The following MSR1 variants were observed in gnomAD, a reference collection of about 807,000 sequenced individuals.
MSR1 encodes macrophage scavenger receptor types I and II.
MSR1 carries 53 observed loss-of-function variants against 47.2 expected under a neutral mutation model. The observed-to-expected ratio is 1.12, with a 90% confidence interval of 0.90 to 1.41. The LOEUF (loss-of-function observed/expected upper bound fraction) is 1.41, where lower values mean the gene tolerates loss of function less well. Among genes scored for constraint, MSR1 ranks in the 40% most tolerant of loss-of-function variants. MSR1 has a pLI of 0.00. For missense variants in MSR1, 786 were observed against 546.9 expected (o/e 1.44, Z -4.36); for synonymous variants, 239 against 185.6 (o/e 1.29, Z -2.34).
Position 16,173,092 on chromosome 8 carries a change from G to A in MSR1, c.217+2095C>T, listed in dbSNP as rs149946858. Among the ~76,000 whole-genome samples the A allele has an allele frequency of 1.3e-4, 20 of 152,272 alleles. No individual in the cohort carries two copies. In the East Asian group the frequency reaches 3.1e-3, roughly 23 times the overall value. ...AAATTCTGGTGAATCTGATACTGATGTGTACTTATAAAATTTGAACATTCT... is the reference window on the plus strand; with the variant it reads ...AAATTCTGGTGAATCTGATACTGATATGTACTTATAAAATTTGAACATTCT... On this transcript the variant is annotated intron_variant, in intron 3 of 9. Coordinates refer to ENST00000262101, the MANE Select transcript of MSR1 (RefSeq NM_138715.3).
At chr8:16,181,899 C>T (rs942690891) in intron 1 of MSR1, among the ~76,000 whole-genome samples, 1 of 151,962 alleles carries the variant, frequency 6.6e-6, no homozygotes, top group Non-Finnish European at 1.5e-5. Flanking sequence ...AAGATGGATT[C>T]GCAAAAATTG....
In MSR1 at chr8:16,150,278, A is replaced by G. The variant is rs376737402; in HGVS notation, c.932T>C (p.Ile311Thr). ...PPGLKGDRGAIGFPGSRGLPG... is the reference protein window; with the variant it reads ...PPGLKGDRGATGFPGSRGLPG... Reference sequence around the variant, plus strand: ...GAGTCCTCGACTTCCAGGAAAGCCAATTGCTCCCCGATCACCTTTAAGACC... The same window carrying G: ...GAGTCCTCGACTTCCAGGAAAGCCAGTTGCTCCCCGATCACCTTTAAGACC... The change falls in exon 7 of 10, where the codon ATT becomes ACT. Residue 311 changes from isoleucine to threonine, a missense_variant. Transcript: ENST00000262101. The G allele has an allele frequency of 2.5e-6, 4 of 1,570,586 alleles. No homozygotes were observed. The highest frequency in any genetic ancestry group is 1.4e-5 in the African/African-American group (1 of 73,498).
chr8:16,175,110 G>T, intron 3 of MSR1, 77 bp downstream of exon 3: 1 of 1,152,656 alleles, frequency 8.7e-7, no homozygotes, highest in South Asian at 1.2e-5. Flanking sequence ...ACAAAAGACT[G>T]AATGCTTCTT....
At chr8:16,170,322 T>A (rs915896569) in intron 3 of MSR1, among the ~76,000 whole-genome samples, 8 of 149,306 alleles carry the variant, frequency 5.4e-5, no homozygotes, top group African/African-American at 2.0e-4. Context: ...CACTCCAGCC[T>A]GGGCAACAGA....
At chr8:16,116,908 C>T (rs568520019) in intron 9 of MSR1, among the ~76,000 whole-genome samples, 3 of 152,028 alleles carry the variant, frequency 2.0e-5, no homozygotes, top group East Asian at 1.9e-4. Flanking sequence ...ATACTACAGG[C>T]TGTATGTTGC....
rs765895080 is a variant in MSR1 at position 16,110,098 on chromosome 8, G to C, written c.1343C>G (p.Thr448Ser). 2 of 1,613,604 alleles carry C rather than the reference G, an allele frequency of 1.2e-6. No homozygotes were observed. Among genetic ancestry groups the C allele is most frequent in the Non-Finnish European group, 1.7e-6 (2 of 1,179,680 alleles). ...AAATATGATGCATTATAAAGTGCAA[G>C]TGACTCCAGCATCTTCAGAATGTGA... ...ACSHSEDAGV[T>S]CTL Residue 448 changes from threonine (T) to serine (S), a missense_variant, in exon 10 of 10, where the codon ACT (threonine) becomes AGT (serine). Coordinates refer to ENST00000262101, the MANE Select transcript of MSR1 (RefSeq NM_138715.3).
rs1799718493 is a variant in MSR1, at chr8:16,109,956, G to A, written c.*129C>T. The A allele has an allele frequency of 5.5e-6, 6 of 1,095,864 alleles. No homozygotes were observed. In the Admixed American group the frequency reaches 7.8e-5, roughly 14 times the overall value. The allele number at this position is 1,095,864 out of a possible 1,614,324, so 67.9% of individuals were successfully genotyped here. A position where few individuals can be genotyped will look rare whatever the true frequency, so the allele number is the denominator to read the frequency against. On this transcript the variant is annotated 3_prime_UTR_variant, in exon 10 of 10. Transcript: ENST00000262101. Reference sequence around the variant, plus strand: ...TGAAGGTGTTCAATATATTAATCCTGTAATCTAAAATATTATTTGGGCAAT... The same window carrying A: ...TGAAGGTGTTCAATATATTAATCCTATAATCTAAAATATTATTTGGGCAAT...
At chr8:16,153,471 A>G (rs1344001569) in intron 6 of MSR1, among the ~76,000 whole-genome samples, 1 of 151,984 alleles carries the variant, frequency 6.6e-6, no homozygotes, top group Non-Finnish European at 1.5e-5. Context: ...GGTAATGCCT[A>G]TTTGTGTAAA....
chr8:16,182,985 T>C (rs149701330), intron 1 of MSR1, among the ~76,000 whole-genome samples: 3 of 152,262 alleles, frequency 2.0e-5, no homozygotes, highest in African/African-American at 7.2e-5. Context: ...ACCACAAATA[T>C]GTGAGTAATG....
chr8:16,143,174 T>C (rs1388666446), intron 8 of MSR1, among the ~76,000 whole-genome samples: 1 of 152,148 alleles, frequency 6.6e-6, no homozygotes, highest in Non-Finnish European at 1.5e-5. Flanking sequence ...TTCAGGGTTC[T>C]TAAACTGTCC....
chr8:16,191,280 A>G (rs1378538679), intron 1 of MSR1, among the ~76,000 whole-genome samples: 1 of 152,184 alleles, frequency 6.6e-6, no homozygotes, highest in Non-Finnish European at 1.5e-5. Context: ...GGTAGCAAAG[A>G]AGAAAGAGCA....
At position 16,166,397 on chromosome 8, in the gene MSR1, G is replaced by A. The variant is rs527946558; in HGVS notation, c.630+2061C>T. ...AGACTGGTCTCGAACTCCTGACCTC[G>A]TGGTCCACCCACCTCGGCCTCCCAA... On this transcript the variant is annotated intron_variant, in intron 4 of 9. Transcript: ENST00000262101. 3.3e-5 allele frequency among the ~76,000 whole-genome samples: 5 copies of A among 150,312 alleles called. 1 individual carries two copies. The highest frequency in any genetic ancestry group is 6.5e-3 in the Middle Eastern group (2 of 306).
intron 8 of MSR1, chr8:16,139,941 C>T (rs1021128889): frequency 1.5e-5 from 6 of 393,928 alleles, no homozygotes; most frequent in African/African-American, 1.4e-4. Context: ...CCCTGTTCCT[C>T]CCCCAGTATA....
intron 5 of MSR1, among the ~76,000 whole-genome samples, chr8:16,156,870 C>T (rs979073187): frequency 1.7e-4 from 26 of 151,800 alleles, no homozygotes; most frequent in Admixed American, 8.6e-4. Context: ...TCTATGTGCC[C>T]CCTATTCCCT....
chr8:16,188,995 TA>T (rs1374873637), intron 1 of MSR1, among the ~76,000 whole-genome samples: 71 of 141,518 alleles, frequency 5.0e-4, no homozygotes, highest in Non-Finnish European at 3.2e-4. Context: ...TATATATATA[TA>T]TAAAACAACA....
At chr8:16,141,059 A>G in intron 8 of MSR1, 2 of 1,612,332 alleles carry the variant, frequency 1.2e-6, no homozygotes, top group Non-Finnish European at 1.7e-6. Context: ...ACACATATAT[A>G]AAGGAGGAAA....
intron 1 of MSR1, among the ~76,000 whole-genome samples, chr8:16,185,603 T>C (rs78236192): frequency 2.0e-5 from 3 of 152,072 alleles, no homozygotes; most frequent in African/African-American, 7.2e-5. Context: ...AAGACCCATA[T>C]CTGACTGCAC....
In MSR1 at chr8:16,166,936, T is replaced by C. The variant is rs201030787; in HGVS notation, c.630+1522A>G. On this transcript the variant is annotated intron_variant, in intron 4 of 9. Coordinates refer to ENST00000262101, the MANE Select transcript of MSR1 (RefSeq NM_138715.3). ...TGTTGTTTTTCAGTGTACACAGGAG[T>C]ACACACACACACACACACACACACA... Among the ~76,000 whole-genome samples, 93 of 147,074 alleles carry C rather than the reference T, an allele frequency of 6.3e-4. No homozygotes were observed. In the East Asian group the frequency reaches 0.018, roughly 28 times the overall value.
At chr8:16,125,602 G>A (rs1800110964) in intron 8 of MSR1, among the ~76,000 whole-genome samples, 1 of 151,794 alleles carries the variant, frequency 6.6e-6, no homozygotes, top group Admixed American at 6.6e-5. Context: ...CCTTTCTTTA[G>A]GAAAGAACTG....
Sources: allele counts gnomAD v4.1 joint callset (sites outside exome capture counted in the v4.1 genomes callset), GRCh38; gene constraint gnomAD v4.1.1; transcripts MANE v1.5; gene names NCBI Gene and HGNC (gene_info 2026-07-23, HGNC 2026-07-21).